CADPS: variants seen among roughly 807,000 people sequenced by gnomAD.
CADPS encodes calcium-dependent secretion activator 1.
CADPS carries 57 observed loss-of-function variants against 167.3 expected under a neutral mutation model. The ratio of observed to expected loss-of-function variants is 0.34; its 90% CI spans 0.28 to 0.42. The LOEUF is 0.42. CADPS is among the 20% of genes least tolerant of loss of function. The probability of loss-of-function intolerance (pLI) is 1.00; values close to 1 mark genes in which losing one functional copy is unlikely to be tolerated. For synonymous variants in CADPS, 676 were observed against 635.3 expected, an observed-to-expected ratio of 1.06 and a Z score of -0.96; for missense variants, 1,414 against 1,738.1, an observed-to-expected ratio of 0.81 and a Z score of 3.32.
At position 62,703,077 on chromosome 3, in the gene CADPS, C is replaced by T. The variant is rs148358947; in HGVS notation, c.889-40683G>A. Among the ~76,000 whole-genome samples the T allele has an allele frequency of 7.0e-3, 1,058 of 152,192 alleles. 3 individuals carry two copies. The highest frequency in any genetic ancestry group is 0.011 in the Non-Finnish European group (738 of 68,018). On this transcript the variant is annotated intron_variant, in intron 3 of 29. Coordinates refer to ENST00000383710, the MANE Select transcript of CADPS (RefSeq NM_003716.4). ...ATTATGTCAGAATTCTGTTCATAAG[C>T]ATCTTTTTACAGATATAAGCACCAT...
At chr3:62,481,926 G>T in intron 21 of CADPS, 57 bp from the exon 22 acceptor site, 1 of 1,515,074 alleles carries the variant, frequency 6.6e-7, no homozygotes, top group Non-Finnish European at 9.0e-7. Context: ...TGCAGATGTG[G>T]CAGAAGCACA....
intron 4 of CADPS, among the ~76,000 whole-genome samples, chr3:62,659,735 G>T (rs1250070622): frequency 2.6e-5 from 4 of 152,310 alleles, no homozygotes; most frequent in Admixed American, 2.6e-4. Context: ...GTGTGGCCAG[G>T]GCAGGCTGGA....
At chr3:62,732,706 T>C (rs2078163333) in intron 3 of CADPS, among the ~76,000 whole-genome samples, 1 of 152,216 alleles carries the variant, frequency 6.6e-6, no homozygotes, top group Non-Finnish European at 1.5e-5. Flanking sequence ...CACCTTGCAC[T>C]CTCATAAACT....
At chr3:62,509,556 T>C (rs891275163) in intron 17 of CADPS, among the ~76,000 whole-genome samples, 1 of 152,152 alleles carries the variant, frequency 6.6e-6, no homozygotes, top group Non-Finnish European at 1.5e-5. Flanking sequence ...CAGAGAAAGA[T>C]ACAAAACCTC....
At chr3:62,521,987 C>T (rs935351015) in intron 13 of CADPS, among the ~76,000 whole-genome samples, 2 of 152,156 alleles carry the variant, frequency 1.3e-5, no homozygotes, top group East Asian at 1.9e-4. Context: ...AATAAACAGA[C>T]GGAATTTGCT....
intron 1 of CADPS, among the ~76,000 whole-genome samples, chr3:62,807,408 C>T (rs113715472): frequency 0.19 from 28,869 of 151,722 alleles, 3,005 homozygotes; most frequent in Middle Eastern, 0.32. Flanking sequence ...ATTACAGGTG[C>T]CCACCATTAC....
chr3:62,411,941 ATTCACCC>A (rs1371612760), intron 28 of CADPS, among the ~76,000 whole-genome samples: 2 of 152,160 alleles, frequency 1.3e-5, no homozygotes, highest in Admixed American at 1.3e-4. Flanking sequence ...ATAATTCAGG[ATTCACCC>A]TTCAAAACAA....
At chr3:62,794,715 G>A (rs891093038) in intron 1 of CADPS, among the ~76,000 whole-genome samples, 1 of 145,938 alleles carries the variant, frequency 6.9e-6, no homozygotes, top group African/African-American at 2.6e-5. Context: ...GGAGGGCCCC[G>A]CGGATACGTT....
At chr3:62,758,058 A>T (rs543532104) in intron 2 of CADPS, among the ~76,000 whole-genome samples, 11 of 152,224 alleles carry the variant, frequency 7.2e-5, no homozygotes, top group Non-Finnish European at 1.5e-4. Context: ...GCCAAACCAT[A>T]TCAGGTGAAC....
At chr3:62,847,427 C>T (rs1227587406) in intron 1 of CADPS, among the ~76,000 whole-genome samples, 3 of 69,476 alleles carry the variant, frequency 4.3e-5, no homozygotes, top group Non-Finnish European at 8.1e-5. Flanking sequence ...ATCCCTCCCC[C>T]CTCCCCCCAC....
intron 17 of CADPS, among the ~76,000 whole-genome samples, chr3:62,511,551 T>G (rs1228057032): frequency 6.6e-6 from 1 of 152,194 alleles, no homozygotes; most frequent in Non-Finnish European, 1.5e-5. Context: ...TTCATTATTT[T>G]TTATTAGCTA....
chr3:62,550,010 T>C lies in CADPS; in HGVS notation c.1859A>G (p.Tyr620Cys), dbSNP rs2077072585. Residue 620 changes from tyrosine (Y) to cysteine (C), a missense_variant, in exon 11 of 30, where the codon TAT becomes TGT. By Grantham distance (194) the Tyr-to-Cys change is radical (BLOSUM62 -2). Around this residue, in one of 6 missense-constraint regions of CADPS, gnomAD observed 529 missense variants for 629.6 expected, o/e 0.84. Transcript: ENST00000383710. ...CTTGTGTGACTGCCCCGTGGCCCGA[T>C]ACATGGCCTGGACCCACAGGATGCG... ...QDRILWVQAM[Y>C]RATGQSHKPV... 1 of 1,613,996 alleles carries C rather than the reference T, an allele frequency of 6.2e-7. No homozygotes were observed. The highest frequency in any genetic ancestry group is 8.5e-7 in the Non-Finnish European group (1 of 1,179,994).
At chr3:62,770,907 T>G (rs2088526348) in intron 1 of CADPS, among the ~76,000 whole-genome samples, 1 of 152,220 alleles carries the variant, frequency 6.6e-6, no homozygotes, top group Admixed American at 6.5e-5. Flanking sequence ...GAACTTGGTG[T>G]CAATACGATC....
At chr3:62,547,586 G>GCACC (rs374550933) in intron 11 of CADPS, among the ~76,000 whole-genome samples, 1 of 31,448 alleles carries the variant, frequency 3.2e-5, no homozygotes, top group Non-Finnish European at 6.1e-5. Context: ...TATCATTTAC[G>GCACC]CCCCCCCCCC....
chr3:62,432,710 C>T (rs1042070560), intron 28 of CADPS, among the ~76,000 whole-genome samples: 3 of 152,136 alleles, frequency 2.0e-5, no homozygotes, highest in Non-Finnish European at 4.4e-5. Context: ...AATAACTCCA[C>T]GATTATCATC....
chr3:62,871,959 G>T (rs554265718), intron 1 of CADPS, among the ~76,000 whole-genome samples: 2 of 152,218 alleles, frequency 1.3e-5, no homozygotes, highest in East Asian at 3.9e-4. Flanking sequence ...GTAGATACTT[G>T]AAAAAGTGGT....
intron 3 of CADPS, among the ~76,000 whole-genome samples, chr3:62,751,462 T>C (rs1316137803): frequency 6.7e-6 from 1 of 150,068 alleles, no homozygotes; most frequent in Non-Finnish European, 1.5e-5. Context: ...TTTTTTTTTG[T>C]TGGAGATGGA....
intron 1 of CADPS, among the ~76,000 whole-genome samples, chr3:62,793,271 TTATTTA>T (rs138987592): frequency 0.067 from 9,895 of 147,928 alleles, 1,062 homozygotes; most frequent in African/African-American, 0.23. Context: ...GCATCACTAT[TTATTTA>T]AAATATGGTC....
At chr3:62,833,697 C>T (rs1577056671) in intron 1 of CADPS, among the ~76,000 whole-genome samples, 1 of 152,040 alleles carries the variant, frequency 6.6e-6, no homozygotes, top group East Asian at 2.0e-4. Context: ...TCAAATCCTC[C>T]ATTAGGGGGC....
Sources: allele counts gnomAD v4.1 joint callset (sites outside exome capture counted in the v4.1 genomes callset), GRCh38; gene constraint gnomAD v4.1.1; regional missense constraint gnomAD v4.1.1; transcripts MANE v1.5; gene names NCBI Gene and HGNC (gene_info 2026-07-23, HGNC 2026-07-21).